Variants in WDR49 observed in about 807,000 individuals in gnomAD.
WDR49 encodes WD repeat domain 49.
In WDR49, 107 loss-of-function variants were observed where a neutral mutation model predicts 119.5. That is an observed-to-expected ratio of 0.90 (90% confidence interval 0.77 to 1.05). The LOEUF is 1.05. Among genes scored for constraint, WDR49 ranks in the 50% least tolerant of loss-of-function variants. The pLI is 0.00. For missense variants in WDR49, 1,240 were observed against 1,220.5 expected, an observed-to-expected ratio of 1.02 and a Z score of -0.24; for synonymous variants, 425 against 418.8, an observed-to-expected ratio of 1.01 and a Z score of -0.18.
intron 12 of WDR49, among the ~76,000 whole-genome samples, chr3:167,531,722 G>A (rs912520885): frequency 6.6e-5 from 10 of 151,962 alleles, no homozygotes; most frequent in Non-Finnish European, 1.2e-4. Context: ...ATTTGTTAGC[G>A]AGTTACTCTG....
intron 7 of WDR49, among the ~76,000 whole-genome samples, chr3:167,585,391 CGTGT>C (rs59424091): frequency 0.1 from 14,404 of 137,290 alleles, 1,495 homozygotes; most frequent in African/African-American, 0.28. Flanking sequence ...TAAAAGGGTG[CGTGT>C]GTGTGTGTGT....
intron 17 of WDR49, among the ~76,000 whole-genome samples, chr3:167,502,812 T>A (rs1020411217): frequency 2.6e-5 from 4 of 152,112 alleles, no homozygotes; most frequent in Non-Finnish European, 5.9e-5. Flanking sequence ...AAGGTGGAAA[T>A]TATATTTAAA....
At chr3:167,508,367 T>C (rs534966143) in intron 16 of WDR49, among the ~76,000 whole-genome samples, 11 of 152,330 alleles carry the variant, frequency 7.2e-5, no homozygotes, top group Non-Finnish European at 1.3e-4. Flanking sequence ...TCTTGGTTGG[T>C]TGACCTTGTG....
At chr3:167,583,858 T>G (rs1714677789) in intron 7 of WDR49, among the ~76,000 whole-genome samples, 1 of 152,108 alleles carries the variant, frequency 6.6e-6, no homozygotes, top group African/African-American at 2.4e-5. Flanking sequence ...TTCAATTTAG[T>G]TCCTCAGAAT....
intron 7 of WDR49, among the ~76,000 whole-genome samples, chr3:167,580,959 T>C (rs1431187329): frequency 6.6e-6 from 1 of 152,166 alleles, no homozygotes; most frequent in African/African-American, 2.4e-5. Context: ...ATTTGTATTA[T>C]CCACAAAGTT....
chr3:167,540,587 C>T (rs1478683464), intron 10 of WDR49, among the ~76,000 whole-genome samples: 4 of 152,124 alleles, frequency 2.6e-5, no homozygotes, highest in Non-Finnish European at 4.4e-5. Context: ...CTGGAATAGT[C>T]TACCTGAATG....
chr3:167,654,133 T>C (rs939653391), upstream of WDR49: 3 of 152,230 alleles, frequency 2.0e-5, no homozygotes, highest in African/African-American at 7.2e-5. Flanking sequence ...CCACTCATTT[T>C]TTATTAAACG....
chr3:167,526,212 A>G (rs1447845523), intron 15 of WDR49, among the ~76,000 whole-genome samples: 1 of 152,178 alleles, frequency 6.6e-6, no homozygotes, highest in African/African-American at 2.4e-5. Context: ...CTTCACAGAA[A>G]CAACAAATAA....
At chr3:167,596,155 C>A (rs1184304140) in intron 7 of WDR49, among the ~76,000 whole-genome samples, 2 of 151,376 alleles carry the variant, frequency 1.3e-5, no homozygotes, top group African/African-American at 4.9e-5. Context: ...AAATGCAAAT[C>A]AAAACCACAG....
Position 167,602,252 on chromosome 3 carries a change from C to T in WDR49, c.1150G>A (p.Val384Ile). ...LIATAGINNK[V>I]CLWNPYVVSK... ...ACAACATAGGGATTCCAAAGGCAAA[C>T]TTTATTGTTAATGCCAGCAGTTGCT... is the stretch of plus-strand genomic sequence containing the variant. The change falls in exon 7 of 19, where the codon GTT becomes ATT. Residue 384 changes from valine (V) to isoleucine (I), a missense_variant. By Grantham distance (29) the Val-to-Ile change is conservative (BLOSUM62 3). Transcript: ENST00000682715. The T allele has an allele frequency of 6.3e-7, 1 of 1,587,264 alleles. No homozygotes were observed. Among genetic ancestry groups the T allele is most frequent in the Non-Finnish European group, 8.6e-7 (1 of 1,161,036 alleles).
intron 7 of WDR49, among the ~76,000 whole-genome samples, chr3:167,589,845 T>C (rs1715014755): frequency 6.6e-6 from 1 of 152,068 alleles, no homozygotes; most frequent in South Asian, 2.1e-4. Context: ...AAATACAAGA[T>C]GTTATTATCT....
intron 18 of WDR49, among the ~76,000 whole-genome samples, chr3:167,499,528 C>T (rs992530424): frequency 3.3e-5 from 5 of 152,160 alleles, no homozygotes; most frequent in African/African-American, 2.4e-5. Context: ...TTTCACAGGA[C>T]CCCTCTTTGC....
intron 18 of WDR49, among the ~76,000 whole-genome samples, chr3:167,499,691 T>C (rs1401110012): frequency 6.6e-6 from 1 of 152,224 alleles, no homozygotes; most frequent in Non-Finnish European, 1.5e-5. Flanking sequence ...TCTTGTCTTC[T>C]CACCACACCA....
At position 167,620,444 on chromosome 3, in the gene WDR49, C is replaced by T. The variant is rs1309167258; in HGVS notation, c.943G>A (p.Asp315Asn). ...HILEHKLHQG[D>N]WVRQVTYNAS... ...AATTCAATACCTTGCCTGACCCAATCTCCTTGATGAAGTTTATGCTCTAAT... is the reference window on the plus strand; with the variant it reads ...AATTCAATACCTTGCCTGACCCAATTTCCTTGATGAAGTTTATGCTCTAAT... The change falls in exon 5 of 19, where the codon GAT becomes AAT. Residue 315 changes from aspartate (D) to asparagine (N), a missense_variant. Physicochemically the swap from Asp to Asn is conservative, Grantham distance 23. Coordinates refer to ENST00000682715, the MANE Select transcript of WDR49 (RefSeq NM_001366157.1). The T allele has an allele frequency of 1.3e-6, 2 of 1,535,298 alleles. No homozygotes were observed. The highest frequency in any genetic ancestry group is 2.4e-5 in the East Asian group (1 of 40,888).
chr3:167,489,244 G>C (rs1265053269), intron 18 of WDR49, among the ~76,000 whole-genome samples: 1 of 151,996 alleles, frequency 6.6e-6, no homozygotes, highest in East Asian at 1.9e-4. Flanking sequence ...ATGTATATTT[G>C]TTGAATATAT....
intron 18 of WDR49, among the ~76,000 whole-genome samples, chr3:167,484,770 G>A (rs1307314712): frequency 2.0e-5 from 3 of 151,020 alleles, no homozygotes; most frequent in Non-Finnish European, 4.4e-5. Flanking sequence ...TGTGGCTGGA[G>A]ATGGTGGAAT....
At chr3:167,510,412 T>A (rs1291445829) in intron 16 of WDR49, among the ~76,000 whole-genome samples, 1 of 152,208 alleles carries the variant, frequency 6.6e-6, no homozygotes, top group East Asian at 1.9e-4. Context: ...ATGTCCACTG[T>A]AGTTTTTTTT....
At chr3:167,590,065 T>A (rs777504951) in intron 7 of WDR49, among the ~76,000 whole-genome samples, 1 of 152,078 alleles carries the variant, frequency 6.6e-6, no homozygotes, top group African/African-American at 2.4e-5. Context: ...TTATATTGAG[T>A]TATGTTTCTT....
At chr3:167,498,328 T>G (rs1751435842) in intron 18 of WDR49, among the ~76,000 whole-genome samples, 1 of 152,102 alleles carries the variant, frequency 6.6e-6, no homozygotes, top group South Asian at 2.1e-4. Context: ...AATATACAAA[T>G]GTATTAATGT....
Sources: gnomAD v4.1 joint callset for allele counts (sites outside exome capture counted in the v4.1 genomes callset) on GRCh38, gnomAD v4.1.1 for gene constraint, MANE v1.5 for transcripts, NCBI Gene and HGNC (gene_info 2026-07-23, HGNC 2026-07-21) for gene names.